The following SNTG1 variants were observed in gnomAD, a reference collection of about 807,000 sequenced individuals.
The protein encoded by SNTG1 is syntrophin gamma 1.
A neutral mutation model predicts 74.7 loss-of-function variants in SNTG1; 39 were observed. The ratio of observed to expected loss-of-function variants is 0.52; its 90% CI spans 0.40 to 0.68. The LOEUF is 0.68. Ranked by LOEUF, SNTG1 falls within the 30% of genes least tolerant of loss-of-function variation. SNTG1 has a pLI of 0.00. For missense variants in SNTG1, 685 were observed against 609.5 expected (o/e 1.12, Z -1.30); for synonymous variants, 254 against 217.1 (o/e 1.17, Z -1.49).
rs2094827746 is a variant in SNTG1 at position 50,608,368 on chromosome 8, T to C, written c.849+17451T>C. 6.6e-5 allele frequency among the ~76,000 whole-genome samples: 10 copies of C among 151,838 alleles called. No individual in the cohort carries two copies. The South Asian group carries it at 2.1e-3, about 31-fold the overall frequency. Reference sequence around the variant, plus strand: ...TTGTCTTATTTTGTTTCATTATATATTGTGTTTCTGTTGTTAGGTACTTAT... The same window carrying C: ...TTGTCTTATTTTGTTTCATTATATACTGTGTTTCTGTTGTTAGGTACTTAT... On this transcript the variant is annotated intron_variant, in intron 13 of 18. Transcript: ENST00000642720.
chr8:50,704,488 CAG>C (rs35759139), intron 15 of SNTG1, 110 bp from the exon 16 acceptor site: 284,052 of 1,342,752 alleles, frequency 0.21, 31,416 homozygotes, highest in South Asian at 0.32. Flanking sequence ...GGTGAATTCG[CAG>C]AGTGTTGTCT....
In SNTG1 at chr8:50,689,254, C is replaced by A. The variant is rs186217546; in HGVS notation, c.1039-15346C>A. On this transcript the variant is annotated intron_variant, in intron 15 of 18. Coordinates refer to ENST00000642720, the MANE Select transcript of SNTG1 (RefSeq NM_018967.5). Reference sequence around the variant, plus strand: ...GAATAGCCTTTATTTTCTTCTCCTGCCTGATTGCCCTGGCCAGAACTTCCA... The same window carrying A: ...GAATAGCCTTTATTTTCTTCTCCTGACTGATTGCCCTGGCCAGAACTTCCA... Among the ~76,000 whole-genome samples the A allele has an allele frequency of 6.4e-3, 968 of 152,212 alleles. 4 individuals carry two copies. Among genetic ancestry groups the A allele is most frequent in the Non-Finnish European group, 0.011 (740 of 68,000 alleles).
chr8:50,673,949 C>T (rs142106739), intron 15 of SNTG1, among the ~76,000 whole-genome samples: 61 of 152,216 alleles, frequency 4.0e-4, no homozygotes, highest in African/African-American at 1.4e-3. Flanking sequence ...TGTTTTCTGT[C>T]ATTGGTTCTG....
intron 2 of SNTG1, among the ~76,000 whole-genome samples, chr8:50,393,535 T>A (rs1032770627): frequency 2.6e-5 from 4 of 152,168 alleles, no homozygotes; most frequent in Admixed American, 6.6e-5. Context: ...TTTGGTTAGG[T>A]GTATCACGTA....
intron 2 of SNTG1, among the ~76,000 whole-genome samples, chr8:50,392,918 T>C (rs1355087717): frequency 6.6e-6 from 1 of 152,130 alleles, no homozygotes; most frequent in Non-Finnish European, 1.5e-5. Context: ...ATTTCTCTGG[T>C]TGCTTTTTAG....
intron 2 of SNTG1, among the ~76,000 whole-genome samples, chr8:50,344,105 G>A (rs79853556): frequency 0.065 from 9,943 of 152,186 alleles, 353 homozygotes; most frequent in African/African-American, 0.072. Context: ...GTTTAGATTT[G>A]AGGGTATTGT....
chr8:50,274,162 AC>A (rs2087948491), intron 2 of SNTG1, among the ~76,000 whole-genome samples: 1 of 151,990 alleles, frequency 6.6e-6, no homozygotes, highest in South Asian at 2.1e-4. Flanking sequence ...ATCTTGGCTC[AC>A]TGCACCCTCG....
At chr8:50,468,525 A>AG (rs1055528726) in intron 8 of SNTG1, among the ~76,000 whole-genome samples, 3 of 152,110 alleles carry the variant, frequency 2.0e-5, no homozygotes, top group African/African-American at 7.2e-5. Flanking sequence ...AACCTATAGG[A>AG]GTCTTCAATT....
At chr8:50,059,343 C>T (rs1044133746) in intron 1 of SNTG1, among the ~76,000 whole-genome samples, 3 of 152,050 alleles carry the variant, frequency 2.0e-5, no homozygotes, top group African/African-American at 7.2e-5. Flanking sequence ...ATTTATTGAG[C>T]TATAATTCAC....
chr8:50,244,606 G>T lies in SNTG1; in HGVS notation c.-28+71971G>T, dbSNP rs554403416. Among the ~76,000 whole-genome samples the T allele has an allele frequency of 3.3e-5, 5 of 152,210 alleles. No individual in the cohort carries two copies. In the East Asian group the frequency reaches 9.7e-4, roughly 29 times the overall value. On this transcript the variant is annotated intron_variant, in intron 2 of 18. Transcript: ENST00000642720. ...TTCTGTTTCCCTCAGGAGGACTCTGGTTACTTTAAATTTCAATATAAAATT... is the reference window on the plus strand; with the variant it reads ...TTCTGTTTCCCTCAGGAGGACTCTGTTTACTTTAAATTTCAATATAAAATT...
chr8:50,053,607 A>G (rs1363452166), intron 1 of SNTG1, among the ~76,000 whole-genome samples: 1 of 135,816 alleles, frequency 7.4e-6, no homozygotes, highest in African/African-American at 3.0e-5. Flanking sequence ...ATATGCATAT[A>G]TATAAATATA....
At chr8:50,070,156 A>G (rs767822075) in intron 1 of SNTG1, among the ~76,000 whole-genome samples, 1 of 152,172 alleles carries the variant, frequency 6.6e-6, no homozygotes, top group African/African-American at 2.4e-5. Flanking sequence ...ATCTTTTTAT[A>G]ATATTTTGAG....
chr8:50,667,034 A>C (rs1159536960), intron 15 of SNTG1, among the ~76,000 whole-genome samples: 2 of 151,946 alleles, frequency 1.3e-5, no homozygotes, highest in East Asian at 3.9e-4. Flanking sequence ...TATGTTTCTT[A>C]TAATATGGTT....
intron 2 of SNTG1, among the ~76,000 whole-genome samples, chr8:50,355,746 A>G (rs2091799516): frequency 6.6e-6 from 1 of 152,210 alleles, no homozygotes; most frequent in East Asian, 1.9e-4. Flanking sequence ...TGAGATTCCT[A>G]TGGTATAAGA....
intron 2 of SNTG1, among the ~76,000 whole-genome samples, chr8:50,199,624 C>T (rs1586666488): frequency 6.6e-6 from 1 of 152,030 alleles, no homozygotes; most frequent in Admixed American, 6.6e-5. Context: ...ACAAGCAGAC[C>T]CTCCTTGTGA....
intron 2 of SNTG1, among the ~76,000 whole-genome samples, chr8:50,384,793 T>G (rs1254292565): frequency 1.3e-5 from 2 of 152,138 alleles, no homozygotes; most frequent in African/African-American, 4.8e-5. Flanking sequence ...AAACCATAGA[T>G]AATTGAAGTT....
At position 50,091,909 on chromosome 8, in the gene SNTG1, A is replaced by G. The variant is rs139537797; in HGVS notation, c.-102-80652A>G. 1.1e-3 allele frequency among the ~76,000 whole-genome samples: 171 copies of G among 152,284 alleles called. 3 individuals carry two copies. The highest frequency in any genetic ancestry group is 9.9e-3 in the Admixed American group (151 of 15,286). The stretch of plus-strand genomic sequence containing the variant: ...AGATTTAATCTGAGTAAACTACAGT[A>G]TGTTAGGACTTCTGCTGAGTGAGAT... On this transcript the variant is annotated intron_variant, in intron 1 of 18. Coordinates refer to ENST00000642720, the MANE Select transcript of SNTG1 (RefSeq NM_018967.5).
chr8:50,710,311 T>C (rs1352336818), intron 17 of SNTG1, among the ~76,000 whole-genome samples: 1 of 152,154 alleles, frequency 6.6e-6, no homozygotes, highest in Non-Finnish European at 1.5e-5. Flanking sequence ...GAGGCTGCCA[T>C]AAACTATTCC....
chr8:50,064,639 C>A (rs1820756798), intron 1 of SNTG1, among the ~76,000 whole-genome samples: 1 of 152,196 alleles, frequency 6.6e-6, no homozygotes, highest in African/African-American at 2.4e-5. Context: ...CCTACACCTC[C>A]AACCTCATTT....
Sources: gnomAD v4.1 joint callset for allele counts (sites outside exome capture counted in the v4.1 genomes callset) on GRCh38, gnomAD v4.1.1 for gene constraint, MANE v1.5 for transcripts, NCBI Gene and HGNC (gene_info 2026-07-23, HGNC 2026-07-21) for gene names.